Variants in BANP observed in about 807,000 individuals in gnomAD.
BANP encodes protein BANP.
In BANP, 11 loss-of-function variants were observed where a neutral mutation model predicts 68.1. The ratio of observed to expected loss-of-function variants is 0.16; its 90% CI spans 0.10 to 0.27. The LOEUF is 0.27. Among genes scored for constraint, BANP ranks in the 10% least tolerant of loss-of-function variants. The pLI is 1.00. For synonymous variants in BANP, 329 were observed against 303.2 expected (o/e 1.09, Z -0.88); for missense variants, 504 against 722.7 (o/e 0.70, Z 3.47).
At chr16:88,068,770 G>T (rs1412775505) in intron 12 of BANP, among the ~76,000 whole-genome samples, 1 of 152,062 alleles carries the variant, frequency 6.6e-6, no homozygotes, top group African/African-American at 2.4e-5. Context: ...TGCCCGGTCT[G>T]TTCCCAGGCA....
chr16:88,051,987 C>A (rs1052744208), intron 11 of BANP, among the ~76,000 whole-genome samples: 2 of 152,172 alleles, frequency 1.3e-5, no homozygotes, highest in African/African-American at 4.8e-5. Context: ...TACTCCCAAT[C>A]AGTATGTTTC....
At chr16:88,029,415 C>G (rs774162058) in intron 8 of BANP, among the ~76,000 whole-genome samples, 94 of 151,394 alleles carry the variant, frequency 6.2e-4, no homozygotes, top group Middle Eastern at 3.4e-3. Context: ...CGAGACCATC[C>G]TGGCTAACAC....
chr16:88,067,206 C>G (rs1404778581), intron 12 of BANP, among the ~76,000 whole-genome samples: 2 of 152,200 alleles, frequency 1.3e-5, no homozygotes, highest in Non-Finnish European at 2.9e-5. Context: ...GCTTTGGTGC[C>G]AGTGGAGTGG....
Position 87,961,411 on chromosome 16 carries a change from C to CCCCCA in BANP, c.-69+9900_-69+9901insACCCC, listed in dbSNP as rs1555533474. 2.1e-4 allele frequency among the ~76,000 whole-genome samples: 30 copies of CCCCCA among 141,534 alleles called. 3 individuals are homozygous for CCCCCA. The highest frequency in any genetic ancestry group is 4.4e-4 in the Non-Finnish European group (27 of 61,350). 92.9% of individuals were successfully genotyped at this position (141,534 alleles called of 152,430 possible). A position where few individuals can be genotyped will look rare whatever the true frequency, so the allele number is the denominator to read the frequency against. On this transcript the variant is annotated intron_variant, in intron 1 of 13. Coordinates refer to ENST00000682872, the MANE Select transcript of BANP (RefSeq NM_001386991.1). ...ACTCCTGGACTCACAGAATCTGCAC[C>CCCCCA]CCCCCGGGCCTCCCAAAGTGCTGGG...
chr16:88,038,050 C>T, intron 11 of BANP, 39 bp downstream of exon 11: 1 of 1,564,456 alleles, frequency 6.4e-7, no homozygotes, highest in Non-Finnish European at 8.7e-7. Context: ...GGGCGTTGCG[C>T]TGCCGAGGGA....
chr16:87,980,151 A>C lies in BANP; in HGVS notation c.71-885A>C, dbSNP rs1273755396. 3.9e-5 allele frequency among the ~76,000 whole-genome samples: 6 copies of C among 152,354 alleles called. No homozygotes were observed. The East Asian group carries it at 1.2e-3, about 29-fold the overall frequency. Reference sequence around the variant, plus strand: ...TCACACTGTCATTTCAGGCAAGGAAATGAGAAGAAAAAACACTCATGACAC... The same window carrying C: ...TCACACTGTCATTTCAGGCAAGGAACTGAGAAGAAAAAACACTCATGACAC... On this transcript the variant is annotated intron_variant, in intron 2 of 13. Coordinates refer to ENST00000682872, the MANE Select transcript of BANP (RefSeq NM_001386991.1).
intron 3 of BANP, among the ~76,000 whole-genome samples, chr16:87,982,462 G>A (rs934694778): frequency 6.6e-6 from 1 of 152,192 alleles, no homozygotes; most frequent in Non-Finnish European, 1.5e-5. Context: ...GTTGAAAATA[G>A]CGGCGTTATC....
At position 88,064,562 on chromosome 16, in the gene BANP, G is replaced by A. The variant is rs576112700; in HGVS notation, c.1312-705G>A. 1.3e-5 allele frequency among the ~76,000 whole-genome samples: 2 copies of A among 152,386 alleles called. No homozygotes were observed. The highest frequency in any genetic ancestry group is 1.9e-4 in the East Asian group (1 of 5,184). The stretch of plus-strand genomic sequence containing the variant: ...GCATCGGGTTGGCTGAGGGTTTGCC[G>A]AGGAGAGGGCATCGCCAGGCTGGGC... On this transcript the variant is annotated intron_variant, in intron 11 of 13. Transcript: ENST00000682872. The surrounding 1 kb of genome is among the most constrained non-coding windows in gnomAD (Gnocchi z 4.5).
rs111329074 is a variant in BANP, at chr16:88,047,007, A to G, written c.1311+8996A>G. ...TGTGGACCCGGGAGGTGGAGCTTGC[A>G]GTGAGCCAAGATTGCGCCATTGCAT... On this transcript the variant is annotated intron_variant, in intron 11 of 13. Transcript: ENST00000682872. Among the ~76,000 whole-genome samples the G allele has an allele frequency of 9.6e-3, 1,461 of 152,076 alleles. 28 individuals carry two copies. The highest frequency in any genetic ancestry group is 0.033 in the African/African-American group (1,379 of 41,496).
At chr16:88,022,478 T>C (rs1281583403) in intron 7 of BANP, among the ~76,000 whole-genome samples, 1 of 152,252 alleles carries the variant, frequency 6.6e-6, no homozygotes, top group Non-Finnish European at 1.5e-5. Context: ...ATTGTAGTTC[T>C]TTTCAAATCA....
rs138580630 is a variant in BANP, at chr16:88,025,967, C to T, written c.896-1516C>T. On this transcript the variant is annotated intron_variant, in intron 7 of 13. Transcript: ENST00000682872. ...GAGCCCTTCCCATCATGCCCACATT[C>T]GTCATCGCTACAGGGATGGGGTCCT... Among the ~76,000 whole-genome samples, 28 of 152,358 alleles carry T rather than the reference C, an allele frequency of 1.8e-4. 1 individual carries two copies. The East Asian group carries it at 4.4e-3, about 24-fold the overall frequency.
chr16:88,047,208 T>C (rs946504338), intron 11 of BANP, among the ~76,000 whole-genome samples: 2 of 151,374 alleles, frequency 1.3e-5, no homozygotes, highest in African/African-American at 4.9e-5. Flanking sequence ...CTGCCAGGAG[T>C]TTGGGCTTGA....
At chr16:88,040,043 T>C (rs1027971675) in intron 11 of BANP, among the ~76,000 whole-genome samples, 1 of 152,210 alleles carries the variant, frequency 6.6e-6, no homozygotes, top group Non-Finnish European at 1.5e-5. Context: ...ATTCCTATTA[T>C]CGGTCACATT....
intron 2 of BANP, among the ~76,000 whole-genome samples, chr16:87,979,960 C>T (rs2062941287): frequency 6.6e-6 from 1 of 152,074 alleles, no homozygotes; most frequent in Non-Finnish European, 1.5e-5. Context: ...CCAAACAAAA[C>T]GATTAATATT....
Position 88,018,280 on chromosome 16 carries a change from C to G in BANP, c.656-148C>G, listed in dbSNP as rs2075065026. ...GGCAGCAGTCGGAGGCTCCAGCGCT[C>G]TTGGTGACTGCCTCACAAGTTACGA... is the stretch of plus-strand genomic sequence containing the variant. On this transcript the variant is annotated intron_variant, in intron 6 of 13. Coordinates refer to ENST00000682872, the MANE Select transcript of BANP (RefSeq NM_001386991.1). This position sits in a 1 kb window ranked among gnomAD's most constrained non-coding sequence, Gnocchi z 7.7. 2 of 1,029,664 alleles carry G rather than the reference C, an allele frequency of 1.9e-6. No individual in the cohort carries two copies. Among genetic ancestry groups the G allele is most frequent in the East Asian group, 2.4e-5 (1 of 41,314 alleles). The allele number at this position is 1,029,664 out of a possible 1,614,324, so 63.8% of individuals were successfully genotyped here. A position where few individuals can be genotyped will look rare whatever the true frequency, so the allele number is the denominator to read the frequency against.
At chr16:88,060,213 T>C (rs1006903835) in intron 11 of BANP, among the ~76,000 whole-genome samples, 2 of 152,262 alleles carry the variant, frequency 1.3e-5, no homozygotes, top group African/African-American at 4.8e-5. Flanking sequence ...AAGCATAACG[T>C]AGTTTGAGGT....
intron 12 of BANP, among the ~76,000 whole-genome samples, chr16:88,069,224 A>C (rs1011043927): frequency 6.6e-6 from 1 of 151,692 alleles, no homozygotes; most frequent in South Asian, 2.1e-4. Flanking sequence ...CGGTGCAGCA[A>C]CTCCTCTCCG....
At chr16:87,964,072 A>G (rs1433934142) in intron 1 of BANP, among the ~76,000 whole-genome samples, 1 of 152,276 alleles carries the variant, frequency 6.6e-6, no homozygotes, top group Non-Finnish European at 1.5e-5. Context: ...TTCCACATTC[A>G]TGAACTGAGT....
In BANP at chr16:88,076,808, C is replaced by A. The variant is rs1479308281; in HGVS notation, c.*147C>A. ...AGGCCGCTGCCTCCGCGGGGAACAG[C>A]ATCCTATCAACTGAAAGAGCAGCCG... On this transcript the variant is annotated 3_prime_UTR_variant, in exon 14 of 14. Transcript: ENST00000682872. The A allele has an allele frequency of 1.5e-6, 1 of 662,786 alleles. No homozygotes were observed. Among genetic ancestry groups the A allele is most frequent in the Non-Finnish European group, 2.5e-6 (1 of 401,302 alleles). 41.1% of individuals were successfully genotyped at this position (662,786 alleles called of 1,614,324 possible). A position where few individuals can be genotyped will look rare whatever the true frequency, so the allele number is the denominator to read the frequency against.
Sources: allele counts gnomAD v4.1 joint callset (sites outside exome capture counted in the v4.1 genomes callset), GRCh38; gene constraint gnomAD v4.1.1; non-coding constraint Gnocchi (gnomAD v3.1); transcripts MANE v1.5; gene names NCBI Gene and HGNC (gene_info 2026-07-23, HGNC 2026-07-21).